Variants in ARMH4 observed in about 807,000 individuals in gnomAD.
The protein encoded by ARMH4 is armadillo-like helical domain-containing protein 4.
Under a neutral mutation model 61.9 loss-of-function variants are expected in ARMH4, and 49 were observed. That is an observed-to-expected ratio of 0.79 (90% CI 0.63 to 1.00). The LOEUF (loss-of-function observed/expected upper bound fraction) is 1.00, where lower values mean the gene tolerates loss of function less well. ARMH4 is among the 50% of genes least tolerant of loss of function. The pLI, the probability that ARMH4 is intolerant of heterozygous loss-of-function variation, is 0.00. For missense variants in ARMH4, 934 were observed against 930.0 expected (o/e 1.00, Z -0.06); for synonymous variants, 368 against 341.5 (o/e 1.08, Z -0.85).
intron 5 of ARMH4, among the ~76,000 whole-genome samples, chr14:58,090,117 G>C (rs1040939224): frequency 2.6e-4 from 40 of 152,234 alleles, no homozygotes; most frequent in Admixed American, 9.2e-4. Context: ...CCTCAATCAA[G>C]TGTCCATTCC....
chr14:58,063,597 CA>C (rs58360468), intron 5 of ARMH4, among the ~76,000 whole-genome samples: 95,555 of 152,024 alleles, frequency 0.63, 31,931 homozygotes, highest in African/African-American at 0.86. Context: ...CTTTGCAAGG[CA>C]CTACAGAAAC....
intron 1 of ARMH4, among the ~76,000 whole-genome samples, chr14:58,144,228 G>A (rs1887658864): frequency 6.6e-6 from 1 of 152,186 alleles, no homozygotes; most frequent in Non-Finnish European, 1.5e-5. Flanking sequence ...ACAGATCACT[G>A]AATTTGGCTT....
Position 58,022,070 on chromosome 14 carries a change from G to A in ARMH4, c.2090-9920C>T, listed in dbSNP as rs1264521990. Among the ~76,000 whole-genome samples the A allele has an allele frequency of 2.0e-5, 3 of 152,272 alleles. No individual in the cohort carries two copies. The East Asian group carries it at 5.8e-4, about 29-fold the overall frequency. On this transcript the variant is annotated intron_variant, in intron 5 of 7. Coordinates refer to ENST00000267485, the MANE Select transcript of ARMH4 (RefSeq NM_001001872.4). Reference sequence around the variant, plus strand: ...CAGAAAGGCCAAAAATCAGACTCATGGCCTAAAGTCAAGGTGTCAACAGGG... The same window carrying A: ...CAGAAAGGCCAAAAATCAGACTCATAGCCTAAAGTCAAGGTGTCAACAGGG...
At chr14:58,053,226 G>C (rs1884204416) in intron 5 of ARMH4, among the ~76,000 whole-genome samples, 1 of 152,224 alleles carries the variant, frequency 6.6e-6, no homozygotes, top group Admixed American at 6.5e-5. Context: ...TGCAGCCGGA[G>C]TGATGCCTTT....
chr14:58,093,858 C>G (rs1885656792), intron 5 of ARMH4, among the ~76,000 whole-genome samples: 1 of 151,940 alleles, frequency 6.6e-6, no homozygotes, highest in Non-Finnish European at 1.5e-5. Context: ...ACCCACAATG[C>G]TGAAAACATG....
chr14:58,084,854 T>G (rs1282641937), intron 5 of ARMH4, among the ~76,000 whole-genome samples: 1 of 152,258 alleles, frequency 6.6e-6, no homozygotes, highest in Non-Finnish European at 1.5e-5. Flanking sequence ...TAAATCATTC[T>G]GTGCAAGCAG....
chr14:58,028,823 G>A (rs1272249831), intron 5 of ARMH4, among the ~76,000 whole-genome samples: 1 of 152,180 alleles, frequency 6.6e-6, no homozygotes, highest in Non-Finnish European at 1.5e-5. Flanking sequence ...GTAGCAGGAT[G>A]TAGAAATCCA....
chr14:58,025,489 A>G (rs1008700392), intron 5 of ARMH4, among the ~76,000 whole-genome samples: 1 of 152,182 alleles, frequency 6.6e-6, no homozygotes, highest in African/African-American at 2.4e-5. Context: ...ATCTAAATAA[A>G]TGAAATATTA....
chr14:58,069,888 T>A (rs1397510810), intron 5 of ARMH4, among the ~76,000 whole-genome samples: 4 of 152,166 alleles, frequency 2.6e-5, no homozygotes, highest in African/African-American at 7.2e-5. Context: ...TCAATTAACA[T>A]AATAAGATTT....
chr14:58,039,863 G>GA (rs1393718246), intron 5 of ARMH4, among the ~76,000 whole-genome samples: 1 of 152,134 alleles, frequency 6.6e-6, no homozygotes, highest in Non-Finnish European at 1.5e-5. Flanking sequence ...CAATGATGCT[G>GA]AAAAAATCAG....
intron 5 of ARMH4, among the ~76,000 whole-genome samples, chr14:58,081,586 C>T (rs1368870529): frequency 3.3e-5 from 5 of 151,618 alleles, no homozygotes; most frequent in Admixed American, 6.6e-5. Context: ...CTGCAAGCTC[C>T]GCCTCCCAGG....
At chr14:58,072,452 C>T (rs1331271809) in intron 5 of ARMH4, among the ~76,000 whole-genome samples, 2 of 152,176 alleles carry the variant, frequency 1.3e-5, no homozygotes, top group Non-Finnish European at 2.9e-5. Flanking sequence ...GGCACGGTGG[C>T]TTATGCCTGT....
chr14:58,088,535 G>C (rs1472864675), intron 5 of ARMH4, among the ~76,000 whole-genome samples: 2 of 151,930 alleles, frequency 1.3e-5, no homozygotes, highest in African/African-American at 2.4e-5. Context: ...TCCAGAGAAA[G>C]AGTGAATGGC....
At chr14:58,020,384 C>G (rs551230815) in intron 5 of ARMH4, among the ~76,000 whole-genome samples, 1 of 152,148 alleles carries the variant, frequency 6.6e-6, no homozygotes, top group Non-Finnish European at 1.5e-5. Context: ...TCTGTTCCCT[C>G]GGACAAATGT....
intron 5 of ARMH4, among the ~76,000 whole-genome samples, chr14:58,070,489 C>T (rs1162336644): frequency 6.6e-6 from 1 of 152,184 alleles, no homozygotes; most frequent in Admixed American, 6.5e-5. Flanking sequence ...CCCCATGGCT[C>T]CTCCCAGAAT....
At chr14:58,085,348 A>G (rs1254822136) in intron 5 of ARMH4, among the ~76,000 whole-genome samples, 1 of 151,034 alleles carries the variant, frequency 6.6e-6, no homozygotes, top group Non-Finnish European at 1.5e-5. Context: ...CAGTTTTCCT[A>G]GTGTTTCTTC....
chr14:58,105,116 A>G (rs1395155640), intron 4 of ARMH4, among the ~76,000 whole-genome samples: 3 of 152,224 alleles, frequency 2.0e-5, no homozygotes, highest in African/African-American at 4.8e-5. Context: ...ACAAAGAACA[A>G]TGACATGCTG....
chr14:58,096,834 C>T lies in ARMH4; in HGVS notation c.1979G>A (p.Gly660Asp), dbSNP rs751207509. ...TAAGCCTGGTTCCTGGGATGTGATA[C>T]CAGGGAGGGTAAAACCTGGCAGCTC... ...DTELPGFTLP[G>D]ITSQEPGLEE... is the part of the protein sequence containing the mutation. The change falls in exon 5 of 8, where the codon GGT becomes GAT. Residue 660 changes from glycine to aspartate, a missense_variant. By Grantham distance (94) the Gly-to-Asp change is moderately conservative. Coordinates refer to ENST00000267485, the MANE Select transcript of ARMH4 (RefSeq NM_001001872.4). 17 of 1,614,104 alleles carry T rather than the reference C, an allele frequency of 1.1e-5. No homozygotes were observed. The South Asian group carries it at 1.6e-4, about 16-fold the overall frequency.
chr14:58,034,311 T>C (rs1217231429), intron 5 of ARMH4, among the ~76,000 whole-genome samples: 1 of 118,474 alleles, frequency 8.4e-6, no homozygotes, highest in Admixed American at 8.0e-5. Flanking sequence ...CTAAGCTTCA[T>C]AAGTGAAGGA....
Sources: gnomAD v4.1 joint callset for allele counts (sites outside exome capture counted in the v4.1 genomes callset) on GRCh38, gnomAD v4.1.1 for gene constraint, MANE v1.5 for transcripts, NCBI Gene and HGNC (gene_info 2026-07-23, HGNC 2026-07-21) for gene names.